The following MEGF6 variants were observed in gnomAD, a reference collection of about 807,000 sequenced individuals.
The protein encoded by MEGF6 is multiple epidermal growth factor-like domains protein 6.
A neutral mutation model predicts 207.1 loss-of-function variants in MEGF6; 184 were observed. The ratio of observed to expected loss-of-function variants is 0.89; its 90% CI spans 0.79 to 1.00. The LOEUF is 1.00. MEGF6 is among the 50% of genes least tolerant of loss of function. The pLI, the probability that MEGF6 is intolerant of heterozygous loss-of-function variation, is 0.00. For synonymous variants in MEGF6, 1,038 were observed against 910.0 expected (o/e 1.14, Z -2.53); for missense variants, 2,282 against 2,202.9 (o/e 1.04, Z -0.72).
In MEGF6 at chr1:3,496,784, C is replaced by T; in HGVS notation, c.3614-1G>A. 3.9e-6 allele frequency: 6 copies of T among 1,555,186 alleles called. No homozygotes were observed. Among genetic ancestry groups the T allele is most frequent in the Non-Finnish European group, 5.2e-6 (6 of 1,149,716 alleles). On this transcript the variant is annotated splice_acceptor_variant, in intron 28 of 36. Transcript: ENST00000356575. LOFTEE classifies it high-confidence loss of function. ...GGCCCATACCGCCCGGGCGGACATC[C>T]TGCAGGGAGAGGGGCTAGCTGCAGG...
intron 14 of MEGF6, among the ~76,000 whole-genome samples, chr1:3,506,793 C>T (rs1641135882): frequency 6.6e-6 from 1 of 152,054 alleles, no homozygotes; most frequent in Non-Finnish European, 1.5e-5. Context: ...GACCTGGAGA[C>T]TAGGCACAGT....
intron 4 of MEGF6, among the ~76,000 whole-genome samples, chr1:3,577,760 G>A (rs1209409522): frequency 2.6e-5 from 4 of 152,188 alleles, no homozygotes; most frequent in African/African-American, 9.6e-5. Flanking sequence ...CCCAAGCATG[G>A]GCATCTGAGC....
At chr1:3,524,073 T>C (rs772722098) in intron 5 of MEGF6, 51 bp downstream of exon 5, 4 of 1,585,638 alleles carry the variant, frequency 2.5e-6, no homozygotes, top group Non-Finnish European at 3.4e-6. Flanking sequence ...CCCCAGAGGG[T>C]AGGGATGGCT....
chr1:3,531,469 G>A, intron 4 of MEGF6: 1 of 1,085,438 alleles, frequency 9.2e-7, no homozygotes, highest in Non-Finnish European at 1.1e-6. Context: ...CCGCCCCGCA[G>A]GTAAAGGCCA....
rs1557765012 is a variant in MEGF6 at position 3,544,238 on chromosome 1, A to AGCGTC, written c.482-19993_482-19992insGACGC. On this transcript the variant is annotated intron_variant, in intron 4 of 36. Transcript: ENST00000356575. ...GGCATCAGGCTAACCCTCTCCCCCC[A>AGCGTC]GCATCGCAGCGGCATCAGGCTAACC... Among the ~76,000 whole-genome samples, 630 of 150,386 alleles carry AGCGTC rather than the reference A, an allele frequency of 4.2e-3. 72 individuals are homozygous for AGCGTC. The highest frequency in any genetic ancestry group is 0.014 in the African/African-American group (580 of 40,490).
chr1:3,513,903 TTCTCTTATTCA>T (rs1408129887), intron 7 of MEGF6, among the ~76,000 whole-genome samples: 1 of 151,864 alleles, frequency 6.6e-6, no homozygotes, highest in Non-Finnish European at 1.5e-5. Context: ...ATTTCTCCTT[TTCTCTTATTCA>T]TCTCTTCAGT....
At position 3,497,115 on chromosome 1, in the gene MEGF6, G is replaced by T; in HGVS notation, c.3486C>A (p.Cys1162Ter). 1.3e-6 allele frequency: 2 copies of T among 1,573,890 alleles called. No individual in the cohort carries two copies. The highest frequency in any genetic ancestry group is 1.1e-5 in the South Asian group (1 of 86,976). The change falls in exon 28 of 37, where the codon TGC becomes TGA. Residue 1162 changes from cysteine to a stop codon, truncating the protein, a stop_gained. Coordinates refer to ENST00000356575, the MANE Select transcript of MEGF6 (RefSeq NM_001409.4). LOFTEE classifies it high-confidence loss of function. The stretch of plus-strand genomic sequence containing the variant: ...AGTCCTCCCCAAAGCTGCCGGGTGG[G>T]CAGGCTGGGTGGAGACAGGCAGGGT... Reference protein sequence around the residue: ...GFTGSGCEQACPPGSFGEDCA... With the variant: ...GFTGSGCEQA
intron 5 of MEGF6, among the ~76,000 whole-genome samples, chr1:3,523,337 G>A (rs879470883): frequency 6.6e-6 from 1 of 152,270 alleles, no homozygotes; most frequent in Non-Finnish European, 1.5e-5. Context: ...TGGCTGACTG[G>A]CTACTTACTC....
At chr1:3,528,058 G>A (rs1042327476) in intron 4 of MEGF6, among the ~76,000 whole-genome samples, 3 of 152,202 alleles carry the variant, frequency 2.0e-5, no homozygotes, top group Non-Finnish European at 4.4e-5. Flanking sequence ...CCAGGCTTCC[G>A]GTGCCTGCTA....
At position 3,594,868 on chromosome 1, in the gene MEGF6, G is replaced by A. The variant is rs1389474881; in HGVS notation, c.376+470C>T. On this transcript the variant is annotated intron_variant, in intron 3 of 36. Transcript: ENST00000356575. This position sits in a 1 kb window ranked among gnomAD's most constrained non-coding sequence, Gnocchi z 4.2. ...CTACATAACGGAGAGAGGAAGGAGC[G>A]GCTCCCTTACACCCACTGAAGCTGA... is the stretch of plus-strand genomic sequence containing the variant. Among the ~76,000 whole-genome samples, 1 of 152,166 alleles carries A rather than the reference G, an allele frequency of 6.6e-6. No individual in the cohort carries two copies. Among genetic ancestry groups the A allele is most frequent in the Non-Finnish European group, 1.5e-5 (1 of 68,016 alleles).
At chr1:3,613,872 C>T (rs1051695502), upstream of MEGF6, among the ~76,000 whole-genome samples, 3 of 152,002 alleles carry the variant, frequency 2.0e-5, no homozygotes, top group African/African-American at 4.8e-5. Flanking sequence ...GTCCCAGGCA[C>T]TGCCGCTGTG....
intron 4 of MEGF6, among the ~76,000 whole-genome samples, chr1:3,536,344 G>A (rs552909654): frequency 1.6e-4 from 21 of 130,106 alleles, no homozygotes; most frequent in African/African-American, 5.3e-4. Flanking sequence ...TCTGGGGTAC[G>A]GGGGCATCGC....
rs41307039 is a variant in MEGF6, at chr1:3,524,189, G to A, written c.539C>T (p.Pro180Leu). The change falls in exon 5 of 37, where the codon CCA (proline) becomes CTA (leucine). Residue 180 changes from proline to leucine, a missense_variant. Pro to Leu is a moderately conservative substitution (Grantham distance 98). Coordinates refer to ENST00000356575, the MANE Select transcript of MEGF6 (RefSeq NM_001409.4). ...CTTGCACTCACAGAGGTAGGAGCCT[G>A]GGGTGTTCACGCACCGGTGCTGGCA... ...GGCQHRCVNTPGSYLCECKPG... is the reference protein window; with the variant it reads ...GGCQHRCVNTLGSYLCECKPG... 15,189 of 1,612,980 alleles carry A rather than the reference G, an allele frequency of 9.4e-3. 109 individuals carry two copies. Among genetic ancestry groups the A allele is most frequent in the Middle Eastern group, 0.013 (77 of 6,052 alleles).
At chr1:3,497,388 C>T in intron 26 of MEGF6, 27 bp from the exon 27 acceptor site, 1 of 1,507,236 alleles carries the variant, frequency 6.6e-7, no homozygotes, top group Non-Finnish European at 8.8e-7. Context: ...GCTGCGGAGG[C>T]TTCTAGGAGG....
rs113192826 is a variant in MEGF6 at position 3,494,371 on chromosome 1, G to A, written c.4129C>T (p.Pro1377Ser). ...CCAGCTGCACAGGCCCCCAACTCAC[G>A]GTGCTCGCAGGCCTGGCCATAGAAG... Reference protein sequence around the residue: ...PGFYGQACEHPCPPGFHGAGC... With the variant: ...PGFYGQACEHSCPPGFHGAGC... The change falls in exon 32 of 37, where the codon CCC (proline) becomes TCC (serine). Residue 1377 changes from proline (P) to serine (S), a missense_variant and splice_region_variant. Pro to Ser is a moderately conservative substitution (Grantham distance 74, BLOSUM62 -1). Transcript: ENST00000356575. The A allele has an allele frequency of 0.011, 16,490 of 1,540,930 alleles. 122 individuals are homozygous for A. The highest frequency in any genetic ancestry group is 0.013 in the Non-Finnish European group (15,059 of 1,147,718).
intron 4 of MEGF6, among the ~76,000 whole-genome samples, chr1:3,558,615 C>T (rs539122735): frequency 2.4e-4 from 36 of 152,246 alleles, no homozygotes; most frequent in African/African-American, 8.2e-4. Flanking sequence ...TTAGGTTGTG[C>T]GGTCCAACTG....
chr1:3,488,313 T>C lies in MEGF6; in HGVS notation c.*2215A>G, dbSNP rs1386426501. Among the ~76,000 whole-genome samples, 1 of 152,230 alleles carries C rather than the reference T, an allele frequency of 6.6e-6. No homozygotes were observed. The highest frequency in any genetic ancestry group is 2.4e-5 in the African/African-American group (1 of 41,454). On this transcript the variant is annotated 3_prime_UTR_variant, in exon 37 of 37. Transcript: ENST00000356575. ...AGCTCGGCCTGCCTTATGGCTTCCG[T>C]AGCTGAACACTGTGTCTTCACTGAG...
intron 4 of MEGF6, among the ~76,000 whole-genome samples, chr1:3,524,877 G>C (rs1370415633): frequency 6.6e-6 from 1 of 152,162 alleles, no homozygotes; most frequent in Non-Finnish European, 1.5e-5. Context: ...CACAGAGAGG[G>C]CCATGTGGAG....
At chr1:3,601,943 C>T (rs977206962) in intron 2 of MEGF6, among the ~76,000 whole-genome samples, 1 of 152,266 alleles carries the variant, frequency 6.6e-6, no homozygotes, top group African/African-American at 2.4e-5. Context: ...CGGAAACTCT[C>T]CACCTGACAC....
Sources: gnomAD v4.1 joint callset for allele counts (sites outside exome capture counted in the v4.1 genomes callset) on GRCh38, gnomAD v4.1.1 for gene constraint, Gnocchi (gnomAD v3.1) non-coding constraint, MANE v1.5 for transcripts, NCBI Gene and HGNC (gene_info 2026-07-23, HGNC 2026-07-21) for gene names.